The following PKD1L1 variants were observed in gnomAD, a reference collection of about 807,000 sequenced individuals.
The protein encoded by PKD1L1 is polycystin-1-like protein 1.
PKD1L1 carries 236 observed loss-of-function variants against 323.4 expected under a neutral mutation model. The observed-to-expected ratio is 0.73, with a 90% CI of 0.66 to 0.81. The LOEUF (loss-of-function observed/expected upper bound fraction) is 0.81. Among genes scored for constraint, PKD1L1 ranks in the 40% least tolerant of loss-of-function variants. PKD1L1 has a pLI of 0.00. For synonymous variants in PKD1L1, 1,344 were observed against 1,335.0 expected (o/e 1.01, Z -0.15); for missense variants, 3,320 against 3,508.0 (o/e 0.95, Z 1.35).
intron 13 of PKD1L1, among the ~76,000 whole-genome samples, chr7:47,901,786 G>A (rs995300142): frequency 1.3e-5 from 2 of 152,190 alleles, no homozygotes; most frequent in African/African-American, 4.8e-5. Flanking sequence ...ATGCAGCTTA[G>A]TCACGGATTT....
chr7:47,877,275 C>A (rs1328427643), intron 22 of PKD1L1, among the ~76,000 whole-genome samples: 1 of 152,164 alleles, frequency 6.6e-6, no homozygotes, highest in Non-Finnish European at 1.5e-5. Flanking sequence ...AAATTCTGAA[C>A]CTTCTCAACC....
chr7:47,935,629 T>G (rs1444843916), intron 4 of PKD1L1, among the ~76,000 whole-genome samples: 2 of 152,204 alleles, frequency 1.3e-5, no homozygotes, highest in Non-Finnish European at 2.9e-5. Flanking sequence ...CTTCTTTTCC[T>G]AAATTTCCAC....
At chr7:47,795,474 A>G (rs1271046857) in intron 55 of PKD1L1, 3 of 418,328 alleles carry the variant, frequency 7.2e-6, no homozygotes, top group Non-Finnish European at 1.4e-5. Flanking sequence ...TTTTGTTCCC[A>G]GTTTTGGGTA....
At chr7:47,952,872 T>G (rs920269109), upstream of PKD1L1, among the ~76,000 whole-genome samples, 4 of 152,320 alleles carry the variant, frequency 2.6e-5, 1 homozygote, top group South Asian at 6.2e-4. Flanking sequence ...TAATTTGAAT[T>G]ATAAATGGCA....
chr7:47,920,385 AT>A (rs1159850930), intron 7 of PKD1L1, among the ~76,000 whole-genome samples: 1 of 152,186 alleles, frequency 6.6e-6, no homozygotes, highest in African/African-American at 2.4e-5. Flanking sequence ...CTGAAAAAAA[AT>A]CATGGATGAC....
At chr7:47,828,175 C>T (rs1021110894) in intron 44 of PKD1L1, among the ~76,000 whole-genome samples, 2 of 152,068 alleles carry the variant, frequency 1.3e-5, no homozygotes, top group Non-Finnish European at 2.9e-5. Flanking sequence ...CGGAGAGATC[C>T]GTGGGGAGGC....
At chr7:47,960,056 A>T in the PKD1L1 span, among the ~76,000 whole-genome samples, 1 of 152,080 alleles carries the variant, frequency 6.6e-6, no homozygotes, top group Admixed American at 6.5e-5. Flanking sequence ...GATCCTGTTG[A>T]TCAGTGACCC....
chr7:47,912,103 A>G (rs943439859), intron 8 of PKD1L1, among the ~76,000 whole-genome samples: 10 of 152,132 alleles, frequency 6.6e-5, no homozygotes, highest in Admixed American at 3.3e-4. Flanking sequence ...ATTTATCAGA[A>G]AAACACTGTC....
intron 46 of PKD1L1, among the ~76,000 whole-genome samples, chr7:47,820,582 C>A (rs1317391251): frequency 6.6e-6 from 1 of 152,138 alleles, no homozygotes; most frequent in South Asian, 2.1e-4. Flanking sequence ...AAAAAATTAG[C>A]CAAGCGTGGT....
At position 47,803,200 on chromosome 7, in the gene PKD1L1, G is replaced by T; in HGVS notation, c.7962+10C>A. ...AAGGGAAATCACCTGATAAAGGGGA[G>T]AGTTCTTACCCCTGCTACAAAGATG... On this transcript the variant is annotated intron_variant, in intron 53 of 56. Coordinates refer to ENST00000289672, the MANE Select transcript of PKD1L1 (RefSeq NM_138295.5). 1 of 1,614,084 alleles carries T rather than the reference G, an allele frequency of 6.2e-7. No individual in the cohort carries two copies. The highest frequency in any genetic ancestry group is 8.5e-7 in the Non-Finnish European group (1 of 1,179,962).
intron 8 of PKD1L1, 50 bp downstream of exon 8, chr7:47,915,382 C>T (rs1254207442): frequency 2.6e-6 from 2 of 780,696 alleles, no homozygotes; most frequent in East Asian, 2.4e-5. Context: ...TGACAAACAG[C>T]TTTATATCAG....
chr7:47,868,130 G>A (rs530112565), intron 24 of PKD1L1, among the ~76,000 whole-genome samples: 1 of 152,342 alleles, frequency 6.6e-6, no homozygotes, highest in Non-Finnish European at 1.5e-5. Flanking sequence ...CACTTTGGGA[G>A]GCTGAGGCAT....
intron 7 of PKD1L1, among the ~76,000 whole-genome samples, chr7:47,927,304 AGTCTTGCCCT>A (rs1787673720): frequency 6.6e-6 from 1 of 151,826 alleles, no homozygotes. Flanking sequence ...TTTGAGATGG[AGTCTTGCCCT>A]GTCGCCCAGG....
chr7:47,786,927 G>A (rs757821338), intron 56 of PKD1L1, among the ~76,000 whole-genome samples: 4 of 152,038 alleles, frequency 2.6e-5, no homozygotes, highest in Non-Finnish European at 4.4e-5. Flanking sequence ...GGTGGGGGCT[G>A]GCAACTCACC....
At position 47,946,221 on chromosome 7, in the gene PKD1L1, A is replaced by G. The variant is rs925020112; in HGVS notation, c.44+2176T>C. Among the ~76,000 whole-genome samples, 1 of 152,158 alleles carries G rather than the reference A, an allele frequency of 6.6e-6. No individual in the cohort carries two copies. The highest frequency in any genetic ancestry group is 2.4e-5 in the African/African-American group (1 of 41,422). The stretch of plus-strand genomic sequence containing the variant: ...AGTCTCTGAGGCATCATGTGCCTCA[A>G]GGGAACTAGTCGAGCCATTTGTTTG... On this transcript the variant is annotated intron_variant, in intron 1 of 56. Transcript: ENST00000289672. The surrounding 1 kb of genome is among the most constrained non-coding windows in gnomAD (Gnocchi z 4.1).
intron 45 of PKD1L1, among the ~76,000 whole-genome samples, chr7:47,824,376 G>A (rs1487158656): frequency 6.6e-6 from 1 of 152,104 alleles, no homozygotes; most frequent in East Asian, 1.9e-4. Flanking sequence ...TACCAGGAAT[G>A]ACAGAATTAG....
chr7:47,907,987 C>CGGAGTTCTAATAATAAGTAAATATTCT (rs1787241547), intron 9 of PKD1L1, 90 bp downstream of exon 9: 1 of 1,278,962 alleles, frequency 7.8e-7, no homozygotes, highest in Non-Finnish European at 1.1e-6. Context: ...TTTAGAACTG[C>CGGAGTTCTAATAATAAGTAAATATTCT]TATAACTTGA....
At chr7:47,825,463 G>A (rs1205652464) in intron 45 of PKD1L1, among the ~76,000 whole-genome samples, 2 of 151,652 alleles carry the variant, frequency 1.3e-5, no homozygotes, top group African/African-American at 4.8e-5. Context: ...CCTGAGAGGC[G>A]GGGGTTGCAG....
chr7:47,780,031 TA>T (rs1786654915), intron 56 of PKD1L1, among the ~76,000 whole-genome samples: 1 of 138,198 alleles, frequency 7.2e-6, no homozygotes, highest in African/African-American at 2.6e-5. Context: ...ATTTTTTAAT[TA>T]TTTTTTTTTT....
Sources: allele counts gnomAD v4.1 joint callset (sites outside exome capture counted in the v4.1 genomes callset), GRCh38; gene constraint gnomAD v4.1.1; non-coding constraint Gnocchi (gnomAD v3.1); transcripts MANE v1.5; gene names NCBI Gene and HGNC (gene_info 2026-07-23, HGNC 2026-07-21).